Variants in CPSF3 observed in about 807,000 individuals in gnomAD.
The protein encoded by CPSF3 is cleavage and polyadenylation specific factor 3.
In CPSF3, 57 loss-of-function variants were observed where a neutral mutation model predicts 84.1. The observed-to-expected ratio is 0.68, with a 90% CI of 0.55 to 0.85. The LOEUF (loss-of-function observed/expected upper bound fraction) is 0.85. Among genes scored for constraint, CPSF3 ranks in the 40% least tolerant of loss-of-function variants. The probability of loss-of-function intolerance (pLI) is 0.00; values close to 1 mark genes in which losing one functional copy is unlikely to be tolerated. For synonymous variants in CPSF3, 275 were observed against 278.1 expected, an observed-to-expected ratio of 0.99 and a Z score of 0.11; for missense variants, 522 against 838.8, an observed-to-expected ratio of 0.62 and a Z score of 4.66.
chr2:9,428,793 T>C lies in CPSF3; in HGVS notation c.79T>C (p.Cys27Arg). Reference protein sequence around the residue: ...LGAGQEVGRSCIILEFKGRKI... With the variant: ...LGAGQEVGRSRIILEFKGRKI... ...AGCTGGGCAAGAAGTAGGAAGATCA[T>C]GTATTATTCTCGAGTTCAAAGGAAG... The change falls in exon 2 of 18, where the codon TGT (cysteine) becomes CGT (arginine). Residue 27 changes from cysteine to arginine, a missense_variant. Around this residue, in one of 2 missense-constraint regions of CPSF3, gnomAD observed 329 missense variants for 607.2 expected, o/e 0.54. Coordinates refer to ENST00000238112, the MANE Select transcript of CPSF3 (RefSeq NM_016207.4). 6.2e-7 allele frequency: 1 copy of C among 1,605,442 alleles called. No homozygotes were observed. Among genetic ancestry groups the C allele is most frequent in the Non-Finnish European group, 8.5e-7 (1 of 1,172,218 alleles).
intron 10 of CPSF3, among the ~76,000 whole-genome samples, chr2:9,445,395 TGTGAA>T (rs1381220318): frequency 6.6e-5 from 10 of 152,190 alleles, no homozygotes; most frequent in African/African-American, 2.2e-4. Context: ...TTACAGCAAA[TGTGAA>T]GTGGTATCTC....
chr2:9,442,065 C>A, intron 9 of CPSF3, 89 bp downstream of exon 9: 1 of 1,306,486 alleles, frequency 7.7e-7, no homozygotes, highest in Non-Finnish European at 1.1e-6. Flanking sequence ...TGAAGTAGTT[C>A]TTCAAATAAT....
chr2:9,466,212 A>T (rs556688905), intron 15 of CPSF3, among the ~76,000 whole-genome samples: 12 of 150,184 alleles, frequency 8.0e-5, no homozygotes, highest in South Asian at 4.2e-4. Context: ...ACACACGCGC[A>T]CACACGCACG....
intron 16 of CPSF3, 36 bp from the exon 17 acceptor site, chr2:9,471,307 C>A: frequency 8.1e-7 from 1 of 1,231,288 alleles, no homozygotes; most frequent in Non-Finnish European, 1.2e-6. Context: ...TAAAGCCGGG[C>A]ATTTTCACTA....
intron 7 of CPSF3, among the ~76,000 whole-genome samples, chr2:9,436,690 G>A (rs547874695): frequency 1.2e-3 from 176 of 151,946 alleles, no homozygotes; most frequent in African/African-American, 3.8e-3. Context: ...AGAATTGCTT[G>A]AACCTGGGAG....
chr2:9,469,696 C>T (rs1339348524), intron 16 of CPSF3, among the ~76,000 whole-genome samples: 1 of 152,042 alleles, frequency 6.6e-6, no homozygotes, highest in Non-Finnish European at 1.5e-5. Flanking sequence ...CTCTGAGGAA[C>T]AGGAGTATGA....
intron 16 of CPSF3, among the ~76,000 whole-genome samples, chr2:9,469,520 C>T (rs748070057): frequency 2.0e-5 from 3 of 152,196 alleles, no homozygotes; most frequent in Non-Finnish European, 2.9e-5. Context: ...TGGAAGTTCA[C>T]ATTGCTGTGG....
intron 3 of CPSF3, 92 bp from the exon 4 acceptor site, chr2:9,430,660 A>G: frequency 8.0e-7 from 1 of 1,251,102 alleles, no homozygotes. Flanking sequence ...TTGTTTATAT[A>G]AAACTTGTTT....
intron 6 of CPSF3, among the ~76,000 whole-genome samples, chr2:9,435,318 C>T (rs551159270): frequency 3.3e-5 from 5 of 152,114 alleles, no homozygotes; most frequent in African/African-American, 1.2e-4. Context: ...GGAGAAATAA[C>T]CTTTTTCTTC....
chr2:9,466,224 A>ACG (rs1681914204), intron 15 of CPSF3, among the ~76,000 whole-genome samples: 9 of 147,252 alleles, frequency 6.1e-5, no homozygotes, highest in Non-Finnish European at 9.0e-5. Flanking sequence ...ACACGCACGC[A>ACG]CACACACACG....
intron 11 of CPSF3, among the ~76,000 whole-genome samples, chr2:9,450,719 C>T (rs1001381042): frequency 4.6e-5 from 7 of 152,000 alleles, no homozygotes; most frequent in Non-Finnish European, 7.4e-5. Flanking sequence ...ACCTGGGAGG[C>T]GGAGGTTGCA....
At chr2:9,460,261 C>G (rs1681689695) in intron 15 of CPSF3, among the ~76,000 whole-genome samples, 1 of 152,004 alleles carries the variant, frequency 6.6e-6, no homozygotes, top group African/African-American at 2.4e-5. Flanking sequence ...AACCTCGTCT[C>G]TACTAAAAAT....
At chr2:9,462,504 T>C (rs1387071688) in intron 15 of CPSF3, among the ~76,000 whole-genome samples, 2 of 152,214 alleles carry the variant, frequency 1.3e-5, no homozygotes, top group Non-Finnish European at 2.9e-5. Context: ...CACAGAGATG[T>C]TGTCAGGATG....
intron 10 of CPSF3, among the ~76,000 whole-genome samples, chr2:9,446,860 T>C (rs763563396): frequency 2.6e-5 from 4 of 151,992 alleles, no homozygotes; most frequent in Non-Finnish European, 5.9e-5. Context: ...AATATTCCAT[T>C]TGGGGCTGAG....
chr2:9,424,930 A>C (rs1680318301), intron 1 of CPSF3: 1 of 152,290 alleles, frequency 6.6e-6, no homozygotes, highest in Admixed American at 6.5e-5. Context: ...TCATATGGAA[A>C]TAAGATAAAA....
intron 1 of CPSF3, chr2:9,424,847 T>G (rs1284388539): frequency 6.6e-6 from 1 of 152,230 alleles, no homozygotes; most frequent in Non-Finnish European, 1.5e-5. Context: ...AGACTATTAC[T>G]TTGAAGTCAG....
chr2:9,466,409 C>T (rs1235120967), intron 15 of CPSF3, among the ~76,000 whole-genome samples: 9 of 142,688 alleles, frequency 6.3e-5, no homozygotes, highest in Non-Finnish European at 9.1e-5. Context: ...CACGCACGCG[C>T]ACACACGCAC....
chr2:9,469,498 CG>C (rs1682091373), intron 16 of CPSF3, among the ~76,000 whole-genome samples: 1 of 152,152 alleles, frequency 6.6e-6, no homozygotes, highest in Non-Finnish European at 1.5e-5. Flanking sequence ...GTGCTGCAGT[CG>C]GGGTGCAGAA....
chr2:9,431,893 G>C (rs1269912536), intron 4 of CPSF3, among the ~76,000 whole-genome samples: 1 of 152,068 alleles, frequency 6.6e-6, no homozygotes, highest in Admixed American at 6.6e-5. Context: ...TCATGATGTA[G>C]GTTCTATTAT....
Sources: allele counts gnomAD v4.1 joint callset (sites outside exome capture counted in the v4.1 genomes callset), GRCh38; gene constraint gnomAD v4.1.1; regional missense constraint gnomAD v4.1.1; transcripts MANE v1.5; gene names NCBI Gene and HGNC (gene_info 2026-07-23, HGNC 2026-07-21).